The following ATAD2B variants were observed in gnomAD, a reference collection of about 807,000 sequenced individuals.
ATAD2B encodes ATPase family AAA domain-containing protein 2B.
ATAD2B carries 40 observed loss-of-function variants against 167.6 expected under a neutral mutation model. That is an observed-to-expected ratio of 0.24 (90% CI 0.19 to 0.31). ATAD2B has a LOEUF of 0.31. Among genes scored for constraint, ATAD2B ranks in the 10% least tolerant of loss-of-function variants. The pLI is 1.00. For missense variants in ATAD2B, 1,242 were observed against 1,757.2 expected, an observed-to-expected ratio of 0.71 and a Z score of 5.24; for synonymous variants, 579 against 596.5, an observed-to-expected ratio of 0.97 and a Z score of 0.43.
At chr2:23,738,448 T>G in the ATAD2B span, among the ~76,000 whole-genome samples, 1 of 152,158 alleles carries the variant, frequency 6.6e-6, no homozygotes, top group South Asian at 2.1e-4. Context: ...CCAGCCAAAC[T>G]AAGCTTCATA....
At chr2:23,835,785 A>T (rs1486693906) in intron 13 of ATAD2B, among the ~76,000 whole-genome samples, 1 of 152,034 alleles carries the variant, frequency 6.6e-6, no homozygotes, top group Non-Finnish European at 1.5e-5. Flanking sequence ...AAAATACAAA[A>T]ATTAGCTCGG....
chr2:23,836,199 T>C (rs1402057559), intron 13 of ATAD2B, among the ~76,000 whole-genome samples: 1 of 152,146 alleles, frequency 6.6e-6, no homozygotes, highest in African/African-American at 2.4e-5. Context: ...CTGCACACAG[T>C]CTGGCATGCC....
At position 23,822,857 on chromosome 2, in the gene ATAD2B, C is replaced by T. The variant is rs527610170; in HGVS notation, c.2131+401G>A. 1.7e-4 allele frequency among the ~76,000 whole-genome samples: 22 copies of T among 126,148 alleles called. No homozygotes were observed. The South Asian group carries it at 2.0e-3, about 11-fold the overall frequency. 82.8% of individuals were successfully genotyped at this position (126,148 alleles called of 152,430 possible). A position where few individuals can be genotyped will look rare whatever the true frequency, so the allele number is the denominator to read the frequency against. On this transcript the variant is annotated intron_variant, in intron 16 of 27. Transcript: ENST00000238789. ...CGCTGTACCCGGGAGGCGGAGGTTG[C>T]AGTAAGCCAAGACTGCGCCATTACA...
Position 23,754,140 on chromosome 2 carries a change from CAAGTATTTGTTTATTCTACAGATA to C in ATAD2B, c.4335+15_4335+38del. The C allele has an allele frequency of 7.0e-7, 1 of 1,430,168 alleles. No individual in the cohort carries two copies. Among genetic ancestry groups the C allele is most frequent in the Non-Finnish European group, 9.2e-7 (1 of 1,083,220 alleles). 88.6% of individuals were successfully genotyped at this position (1,430,168 alleles called of 1,614,324 possible). A position where few individuals can be genotyped will look rare whatever the true frequency, so the allele number is the denominator to read the frequency against. On this transcript the variant is annotated intron_variant, in intron 27 of 27. Transcript: ENST00000238789. ...CTCTTTTCTTTGGAACAAGTAAAATCAAGTATTTGTTTATTCTACAGATAAACTAAACACTTACCTCTACAAGTT... is the reference window on the plus strand; with the variant it reads ...CTCTTTTCTTTGGAACAAGTAAAATCAACTAAACACTTACCTCTACAAGTT...
chr2:23,695,516 A>G, the ATAD2B span: 1 of 793,478 alleles, frequency 1.3e-6, no homozygotes, highest in South Asian at 1.8e-5. This position sits in a 1 kb window ranked among gnomAD's most constrained non-coding sequence, Gnocchi z 7.6. Context: ...CAAGCCTAAC[A>G]CAGCCTGGAA....
intron 25 of ATAD2B, among the ~76,000 whole-genome samples, chr2:23,755,246 T>C (rs1031762415): frequency 6.6e-6 from 1 of 152,170 alleles, no homozygotes; most frequent in Non-Finnish European, 1.5e-5. Flanking sequence ...AAATTTCTTG[T>C]CTGTTACACT....
the ATAD2B span, chr2:23,691,302 G>A: frequency 1.9e-4 from 52 of 279,762 alleles, no homozygotes; most frequent in Non-Finnish European, 3.6e-4. Flanking sequence ...AGGCAGGGCC[G>A]GGCTGGGATG....
At chr2:23,851,602 A>G (rs184636986) in intron 13 of ATAD2B, among the ~76,000 whole-genome samples, 91 of 152,274 alleles carry the variant, frequency 6.0e-4, no homozygotes, top group African/African-American at 2.0e-3. Context: ...TGAACCTACA[A>G]TGACACATCA....
chr2:23,753,134 C>T (rs1051594106), intron 27 of ATAD2B, among the ~76,000 whole-genome samples: 3 of 152,130 alleles, frequency 2.0e-5, no homozygotes, highest in African/African-American at 7.2e-5. Context: ...TTCTATTCTA[C>T]ATCTCTGCAA....
At chr2:23,847,954 C>T (rs1035866924) in intron 13 of ATAD2B, among the ~76,000 whole-genome samples, 3 of 148,758 alleles carry the variant, frequency 2.0e-5, no homozygotes, top group Non-Finnish European at 4.4e-5. Flanking sequence ...GATCGCACCA[C>T]TGCACTCTGA....
chr2:23,830,431 G>T (rs974823059), intron 14 of ATAD2B, among the ~76,000 whole-genome samples: 1 of 152,180 alleles, frequency 6.6e-6, no homozygotes, highest in Non-Finnish European at 1.5e-5. Flanking sequence ...GAGTATGCTT[G>T]TTCCCTCAAC....
chr2:23,792,962 CA>C (rs36015161), intron 19 of ATAD2B, among the ~76,000 whole-genome samples: 242 of 42,520 alleles, frequency 5.7e-3, no homozygotes, highest in South Asian at 0.023. Context: ...GACTCTGTCT[CA>C]AAAAAAAAAA....
rs138322717 is a variant in ATAD2B at position 23,922,770 on chromosome 2, C to G, written c.216+3785G>C. Among the ~76,000 whole-genome samples, 469 of 148,140 alleles carry G rather than the reference C, an allele frequency of 3.2e-3. 1 individual carries two copies. Among genetic ancestry groups the G allele is most frequent in the Non-Finnish European group, 5.2e-3 (350 of 67,430 alleles). On this transcript the variant is annotated intron_variant, in intron 1 of 27. Transcript: ENST00000238789. ...GTATATAAAAAGGTGCTCAACATTA[C>G]TAATCATCAGGGAAATGCAAATCAA... is the stretch of plus-strand genomic sequence containing the variant.
At chr2:23,789,276 G>T (rs1282599593) in intron 19 of ATAD2B, among the ~76,000 whole-genome samples, 1 of 152,042 alleles carries the variant, frequency 6.6e-6, no homozygotes, top group Non-Finnish European at 1.5e-5. Context: ...TTGACCCCAG[G>T]TGTCCACCTT....
the ATAD2B span, among the ~76,000 whole-genome samples, chr2:23,728,615 A>G: frequency 6.6e-6 from 1 of 152,256 alleles, no homozygotes; most frequent in Non-Finnish European, 1.5e-5. Context: ...AAGCCAACTA[A>G]TATTTTGAAA....
intron 19 of ATAD2B, among the ~76,000 whole-genome samples, chr2:23,796,592 C>T (rs146134972): frequency 1.0e-3 from 152 of 152,200 alleles, no homozygotes; most frequent in African/African-American, 3.6e-3. Flanking sequence ...CCAACTAGAA[C>T]CCTCATGTAT....
At chr2:23,710,110 GT>G in the ATAD2B span, among the ~76,000 whole-genome samples, 1 of 152,156 alleles carries the variant, frequency 6.6e-6, no homozygotes, top group Non-Finnish European at 1.5e-5. Context: ...CATTATGCAT[GT>G]GTATGATTTT....
chr2:23,818,123 T>C (rs1231958475), intron 17 of ATAD2B, among the ~76,000 whole-genome samples: 24 of 101,706 alleles, frequency 2.4e-4, no homozygotes, highest in East Asian at 3.5e-4. Flanking sequence ...ACACACACAT[T>C]ACACACACAC....
At chr2:23,780,267 T>TG (rs1679810699) in intron 22 of ATAD2B, among the ~76,000 whole-genome samples, 2 of 143,998 alleles carry the variant, frequency 1.4e-5, no homozygotes, top group African/African-American at 2.6e-5. Context: ...AAGTATATAC[T>TG]TGTGTGTGTG....
Sources: allele counts gnomAD v4.1 joint callset (sites outside exome capture counted in the v4.1 genomes callset), GRCh38; gene constraint gnomAD v4.1.1; non-coding constraint Gnocchi (gnomAD v3.1); transcripts MANE v1.5; gene names NCBI Gene and HGNC (gene_info 2026-07-23, HGNC 2026-07-21).